Variants in SPECC1 observed in about 807,000 individuals in gnomAD.
The protein encoded by SPECC1 is cytospin-B.
A neutral mutation model predicts 104.1 loss-of-function variants in SPECC1; 62 were observed. The ratio of observed to expected loss-of-function variants is 0.60; its 90% CI spans 0.49 to 0.74. The LOEUF is 0.74. Among genes scored for constraint, SPECC1 ranks in the 30% least tolerant of loss-of-function variants. SPECC1 has a pLI of 0.00. For missense variants in SPECC1, 1,306 were observed against 1,310.5 expected, an observed-to-expected ratio of 1.00 and a Z score of 0.05; for synonymous variants, 513 against 501.6, an observed-to-expected ratio of 1.02 and a Z score of -0.30.
intron 1 of SPECC1, among the ~76,000 whole-genome samples, chr17:20,078,001 AT>A (rs747170140): frequency 7.2e-5 from 11 of 151,962 alleles, no homozygotes; most frequent in Non-Finnish European, 1.3e-4. Flanking sequence ...CTGAAAAAGT[AT>A]TTGATGTAGG....
chr17:20,013,818 C>T (rs746625255), intron 1 of SPECC1, among the ~76,000 whole-genome samples: 1 of 152,184 alleles, frequency 6.6e-6, no homozygotes, highest in Non-Finnish European at 1.5e-5. Flanking sequence ...ATTTCATTCT[C>T]ATTGCTGTGT....
intron 3 of SPECC1, among the ~76,000 whole-genome samples, chr17:20,119,004 G>A (rs932417134): frequency 5.9e-5 from 9 of 152,168 alleles, no homozygotes; most frequent in Admixed American, 1.3e-4. Flanking sequence ...GCCCCAAGGG[G>A]CATTGGCATC....
At position 20,310,665 on chromosome 17, in the gene SPECC1, G is replaced by A. The variant is rs115810821; in HGVS notation, c.3118-3311G>A. Among the ~76,000 whole-genome samples, 251 of 152,334 alleles carry A rather than the reference G, an allele frequency of 1.6e-3. 1 individual carries two copies. The highest frequency in any genetic ancestry group is 5.9e-3 in the African/African-American group (245 of 41,580). ...GTCTTTACCAGGCCATGTAGTCCAT[G>A]AGGGCTGTTGCTCACTGAGTGCCAG... On this transcript the variant is annotated intron_variant, in intron 14 of 14. Coordinates refer to ENST00000395527, the MANE Select transcript of SPECC1 (RefSeq NM_001243439.2).
At chr17:20,148,327 A>C (rs2152565064) in intron 3 of SPECC1, among the ~76,000 whole-genome samples, 1 of 150,754 alleles carries the variant, frequency 6.6e-6, no homozygotes, top group South Asian at 2.1e-4. Context: ...GCAACCTTGA[A>C]CTCCTGGGCT....
At chr17:20,084,024 A>G (rs560472888) in intron 1 of SPECC1, among the ~76,000 whole-genome samples, 79 of 152,294 alleles carry the variant, frequency 5.2e-4, no homozygotes, top group African/African-American at 1.9e-3. Flanking sequence ...TGCCATCCAA[A>G]TATCTTGTGT....
chr17:20,313,290 G>T (rs750657913), intron 14 of SPECC1, among the ~76,000 whole-genome samples: 3 of 152,204 alleles, frequency 2.0e-5, no homozygotes, highest in Non-Finnish European at 4.4e-5. Flanking sequence ...ACATTAAGTA[G>T]TAACAATGCT....
chr17:20,054,709 C>T (rs909252356), intron 1 of SPECC1, among the ~76,000 whole-genome samples: 7 of 151,902 alleles, frequency 4.6e-5, no homozygotes, highest in African/African-American at 1.7e-4. Flanking sequence ...GCTCTGTCAT[C>T]TGGGCTGGAG....
At chr17:20,162,177 G>A (rs1396147258) in intron 3 of SPECC1, among the ~76,000 whole-genome samples, 3 of 150,342 alleles carry the variant, frequency 2.0e-5, no homozygotes, top group Admixed American at 6.6e-5. Context: ...ACAGAGTCTC[G>A]CTCTGTCGTC....
chr17:20,035,746 A>G (rs8073875), intron 1 of SPECC1, among the ~76,000 whole-genome samples: 16,836 of 152,192 alleles, frequency 0.11, 951 homozygotes, highest in Non-Finnish European at 0.12. Context: ...GTCCAGCTCA[A>G]TTGATTTTTG....
At chr17:20,309,794 A>G (rs116433136) in intron 14 of SPECC1, among the ~76,000 whole-genome samples, 4,075 of 144,672 alleles carry the variant, frequency 0.028, 190 homozygotes, top group African/African-American at 0.097. Context: ...TATCCAGTCT[A>G]CTGGTTTTCT....
chr17:20,059,005 A>G (rs2046079242), intron 1 of SPECC1, among the ~76,000 whole-genome samples: 2 of 150,186 alleles, frequency 1.3e-5, no homozygotes, highest in Admixed American at 1.3e-4. Context: ...ACACCCGGCT[A>G]ATTTTTTTTT....
chr17:20,080,293 G>C, intron 1 of SPECC1, among the ~76,000 whole-genome samples: 1 of 152,236 alleles, frequency 6.6e-6, no homozygotes, highest in Middle Eastern at 3.4e-3. Context: ...AGCTGGCAGG[G>C]GGACTCTCTT....
intron 3 of SPECC1, among the ~76,000 whole-genome samples, chr17:20,201,375 G>A (rs897256280): frequency 3.3e-5 from 5 of 151,978 alleles, no homozygotes; most frequent in Non-Finnish European, 7.4e-5. Context: ...CCAGCTATTC[G>A]GGATGCTGAG....
chr17:20,235,871 C>G (rs1302442481), intron 7 of SPECC1, among the ~76,000 whole-genome samples: 1 of 126,658 alleles, frequency 7.9e-6, no homozygotes, highest in East Asian at 5.5e-4. Context: ...TTGCATTGTC[C>G]CCTCTTGGAG....
At chr17:20,128,403 G>T (rs776035353) in intron 3 of SPECC1, among the ~76,000 whole-genome samples, 1 of 152,104 alleles carries the variant, frequency 6.6e-6, no homozygotes, top group African/African-American at 2.4e-5. Flanking sequence ...TTAGATTCTG[G>T]ATGTAGGTAT....
At chr17:20,114,065 A>G (rs1275209749) in intron 3 of SPECC1, among the ~76,000 whole-genome samples, 3 of 152,196 alleles carry the variant, frequency 2.0e-5, no homozygotes, top group Non-Finnish European at 4.4e-5. Flanking sequence ...TTTTAAACAT[A>G]TATTTGATTA....
At chr17:20,071,009 C>T (rs1037433406) in intron 1 of SPECC1, among the ~76,000 whole-genome samples, 7 of 151,906 alleles carry the variant, frequency 4.6e-5, no homozygotes, top group Non-Finnish European at 8.8e-5. Flanking sequence ...CCCAGGTTGA[C>T]GTGTGGTCTT....
intron 12 of SPECC1, among the ~76,000 whole-genome samples, chr17:20,260,565 C>T (rs1184599378): frequency 3.3e-5 from 5 of 152,168 alleles, no homozygotes; most frequent in Non-Finnish European, 2.9e-5. Flanking sequence ...GGGAAGGGGA[C>T]CTTTTTCTTT....
intron 2 of SPECC1, among the ~76,000 whole-genome samples, chr17:20,103,324 C>T (rs778670390): frequency 1.3e-5 from 2 of 152,188 alleles, no homozygotes; most frequent in African/African-American, 2.4e-5. Context: ...TCTCCACATT[C>T]GTTTCTCTGC....
Sources: allele counts gnomAD v4.1 joint callset (sites outside exome capture counted in the v4.1 genomes callset), GRCh38; gene constraint gnomAD v4.1.1; transcripts MANE v1.5; gene names NCBI Gene and HGNC (gene_info 2026-07-23, HGNC 2026-07-21).